Variants in METTL14 observed in about 807,000 individuals in gnomAD.
The protein encoded by METTL14 is methyltransferase 14, N6-adenosine-methyltransferase non-catalytic subunit.
Under a neutral mutation model 62.4 loss-of-function variants are expected in METTL14, and 32 were observed. The observed-to-expected ratio is 0.51, with a 90% CI of 0.39 to 0.69. The LOEUF (loss-of-function observed/expected upper bound fraction) is 0.69, where lower values mean the gene tolerates loss of function less well. Ranked by LOEUF, METTL14 falls within the 30% of genes least tolerant of loss-of-function variation. METTL14 has a pLI of 0.00. For synonymous variants in METTL14, 150 were observed against 180.0 expected (o/e 0.83, Z 1.34); for missense variants, 340 against 551.9 (o/e 0.62, Z 3.85).
At chr4:118,690,745 G>A (rs1724221709) in intron 3 of METTL14, among the ~76,000 whole-genome samples, 1 of 151,554 alleles carries the variant, frequency 6.6e-6, no homozygotes, top group Non-Finnish European at 1.5e-5. Flanking sequence ...AGCTGCAGTA[G>A]CTTTGGATCA....
chr4:118,702,979 A>T (rs1161432344), intron 8 of METTL14, among the ~76,000 whole-genome samples: 1 of 99,778 alleles, frequency 1.0e-5, no homozygotes, highest in South Asian at 3.5e-4. Flanking sequence ...TTATTATTAT[A>T]CTTTAAGTTC....
At chr4:118,706,769 A>G (rs1724767961) in intron 10 of METTL14, among the ~76,000 whole-genome samples, 1 of 152,124 alleles carries the variant, frequency 6.6e-6, no homozygotes, top group South Asian at 2.1e-4. Flanking sequence ...GATTTTGGCA[A>G]TTTTAGTGTG....
intron 7 of METTL14, among the ~76,000 whole-genome samples, chr4:118,700,251 G>C (rs1306564420): frequency 6.6e-6 from 1 of 152,062 alleles, no homozygotes; most frequent in Non-Finnish European, 1.5e-5. Flanking sequence ...TCTGTCTCAA[G>C]CTCCATCTTA....
chr4:118,705,784 C>G lies in METTL14; in HGVS notation c.1029C>G (p.Arg343=), dbSNP rs1024946388. ...IIEHFCLGRR[R]LHLFGRDSTI... ...AGCATTTTTGTCTTGGTAGAAGACG[C>G]CTTCATCTATTTGGAAGAGATAGTA... Residue 343 remains arginine, a synonymous_variant, in exon 10 of 11, where the codon CGC becomes CGG. Transcript: ENST00000388822. 2 of 1,613,834 alleles carry G rather than the reference C, an allele frequency of 1.2e-6. No individual in the cohort carries two copies. The highest frequency in any genetic ancestry group is 1.7e-6 in the Non-Finnish European group (2 of 1,179,932).
At position 118,690,035 on chromosome 4, in the gene METTL14, C is replaced by CTTTTT. The variant is rs70941200; in HGVS notation, c.243+595_243+599dup. ...CTGGTAAGAACTAGGTAATAATATT[C>CTTTTT]TTTTTTTTTTTTTTTTTTTTTGTGA... is the stretch of plus-strand genomic sequence containing the variant. On this transcript the variant is annotated intron_variant, in intron 3 of 10. Coordinates refer to ENST00000388822, the MANE Select transcript of METTL14 (RefSeq NM_020961.4). Among the ~76,000 whole-genome samples the CTTTTT allele has an allele frequency of 6.5e-3, 559 of 86,660 alleles. 47 individuals carry two copies. The highest frequency in any genetic ancestry group is 0.011 in the Middle Eastern group (1 of 94). The allele number at this position is 86,660 out of a possible 152,430, so 56.9% of individuals were successfully genotyped here. A position where few individuals can be genotyped will look rare whatever the true frequency, so the allele number is the denominator to read the frequency against.
intron 10 of METTL14, among the ~76,000 whole-genome samples, chr4:118,706,886 A>C (rs539520154): frequency 6.6e-6 from 1 of 151,954 alleles, no homozygotes; most frequent in East Asian, 1.9e-4. Context: ...TTTTTTGGTG[A>C]GATGTCTTTT....
chr4:118,709,443 G>A (rs750521133), intron 10 of METTL14, among the ~76,000 whole-genome samples: 2 of 151,958 alleles, frequency 1.3e-5, no homozygotes, highest in Non-Finnish European at 2.9e-5. Context: ...ATGTGTGTCT[G>A]TTACACATGT....
Position 118,712,174 on chromosome 4 carries a change from T to C in METTL14, c.*1872T>C, listed in dbSNP as rs1477591267. 6.6e-6 allele frequency: 1 copy of C among 152,260 alleles called. No individual in the cohort carries two copies. Among genetic ancestry groups the C allele is most frequent in the Non-Finnish European group, 1.5e-5 (1 of 68,046 alleles). The allele number at this position is 152,260 out of a possible 1,614,324, so 9.4% of individuals were successfully genotyped here. A position where few individuals can be genotyped will look rare whatever the true frequency, so the allele number is the denominator to read the frequency against. ...CAGGATGGAATTGATTCACTAGTTT[T>C]TGCTAACTTTCACTTTCAGTAAAGG... On this transcript the variant is annotated 3_prime_UTR_variant, in exon 11 of 11. Transcript: ENST00000388822.
chr4:118,690,677 C>CA (rs1046821905), intron 3 of METTL14, among the ~76,000 whole-genome samples: 207 of 74,684 alleles, frequency 2.8e-3, no homozygotes, highest in Middle Eastern at 0.02. Flanking sequence ...GACTCTGTCT[C>CA]AAAAAAAAAA....
Position 118,686,400 on chromosome 4 carries a change from A to G in METTL14, c.66+800A>G, listed in dbSNP as rs530446533. The G allele has an allele frequency of 5.9e-5, 19 of 323,666 alleles. 1 individual carries two copies. Among genetic ancestry groups the G allele is most frequent in the South Asian group, 4.2e-4 (16 of 38,274 alleles). The allele number at this position is 323,666 out of a possible 1,614,324, so 20.0% of individuals were successfully genotyped here. On this transcript the variant is annotated intron_variant, in intron 1 of 10. Transcript: ENST00000388822. Reference sequence around the variant, plus strand: ...CAGTTCTACTTAAAATCGAGGCTGTATTTTCCATTCTACTATTCAGATCAG... The same window carrying G: ...CAGTTCTACTTAAAATCGAGGCTGTGTTTTCCATTCTACTATTCAGATCAG...
intron 6 of METTL14, among the ~76,000 whole-genome samples, chr4:118,696,786 G>C (rs1355342706): frequency 6.6e-6 from 1 of 152,064 alleles, no homozygotes; most frequent in Non-Finnish European, 1.5e-5. Flanking sequence ...TTTTCTAACT[G>C]AACAATTGAG....
rs763159436 is a variant in METTL14, at chr4:118,709,980, T to C, written c.1067-18T>C. 8.3e-6 allele frequency: 13 copies of C among 1,568,446 alleles called. No homozygotes were observed. The South Asian group carries it at 1.3e-4, about 16-fold the overall frequency. On this transcript the variant is annotated intron_variant, in intron 10 of 10. Transcript: ENST00000388822. ...GAATTGCAAATAAAAAGTATAATCT[T>C]TTTTTCCTCCATTTCAGGCTGGCTC...
chr4:118,703,178 T>C (rs1008479641), intron 8 of METTL14, among the ~76,000 whole-genome samples: 5 of 152,018 alleles, frequency 3.3e-5, no homozygotes, highest in Non-Finnish European at 7.4e-5. Context: ...CTGTACTTAT[T>C]TGTTTATTTT....
In METTL14 at chr4:118,711,639, G is replaced by A. The variant is rs1724923674; in HGVS notation, c.*1337G>A. On this transcript the variant is annotated 3_prime_UTR_variant, in exon 11 of 11. Transcript: ENST00000388822. ...TGAAGATAAGGAATGAGTGATAGAA[G>A]AAATAAGGCTGAGATCCTTAAAAGC... 6.6e-6 allele frequency: 1 copy of A among 152,076 alleles called. No homozygotes were observed. The allele number at this position is 152,076 out of a possible 1,614,324, so 9.4% of individuals were successfully genotyped here.
At position 118,692,048 on chromosome 4, in the gene METTL14, A is replaced by G; in HGVS notation, c.392A>G (p.Gln131Arg). Residue 131 changes from glutamine to arginine, a missense_variant, in exon 5 of 11, where the codon CAG becomes CGG. Transcript: ENST00000388822. ...TTTGTAGACACTGGACATAGACCTC[A>G]GAATTTCATCAGGGATGTAGGTATG... Reference protein sequence around the residue: ...QHFVDTGHRPQNFIRDVGLAD... With the variant: ...QHFVDTGHRPRNFIRDVGLAD... The G allele has an allele frequency of 6.2e-7, 1 of 1,608,936 alleles. No individual in the cohort carries two copies. The highest frequency in any genetic ancestry group is 8.5e-7 in the Non-Finnish European group (1 of 1,176,558).
chr4:118,692,510 T>G (rs1724281532), intron 5 of METTL14, among the ~76,000 whole-genome samples: 1 of 152,242 alleles, frequency 6.6e-6, no homozygotes, highest in South Asian at 2.1e-4. Flanking sequence ...TCAGGTGATC[T>G]GCCTGCCTCA....
intron 5 of METTL14, among the ~76,000 whole-genome samples, chr4:118,693,330 C>T (rs1724311160): frequency 6.6e-6 from 1 of 151,846 alleles, no homozygotes; most frequent in Non-Finnish European, 1.5e-5. Context: ...TAAATTATTT[C>T]ACTGTCTTTT....
intron 9 of METTL14, among the ~76,000 whole-genome samples, chr4:118,705,096 T>G (rs912536260): frequency 3.3e-5 from 5 of 152,150 alleles, no homozygotes; most frequent in African/African-American, 1.2e-4. Context: ...GTGTTGTGAG[T>G]GCGTAGAAGA....
At chr4:118,703,881 T>G in intron 8 of METTL14, 54 bp from the exon 9 acceptor site, 1 of 999,610 alleles carries the variant, frequency 1.0e-6, no homozygotes, top group South Asian at 1.6e-5. Flanking sequence ...TATTGTTAAG[T>G]ATTGTTTATT....
Sources: gnomAD v4.1 joint callset for allele counts (sites outside exome capture counted in the v4.1 genomes callset) on GRCh38, gnomAD v4.1.1 for gene constraint, MANE v1.5 for transcripts, NCBI Gene and HGNC (gene_info 2026-07-23, HGNC 2026-07-21) for gene names.